SH3TC2: variants seen among roughly 807,000 people sequenced by gnomAD.
SH3TC2 encodes the protein SH3 domain and tetratricopeptide repeats 2, also known as SH3 domain and tetratricopeptide repeat-containing protein 2.
SH3TC2 carries 87 observed loss-of-function variants against 124.5 expected under a neutral mutation model. The observed-to-expected ratio is 0.70, with a 90% CI of 0.59 to 0.84. The LOEUF (loss-of-function observed/expected upper bound fraction) is 0.84, where lower values mean the gene tolerates loss of function less well. Ranked by LOEUF, SH3TC2 falls within the 40% of genes least tolerant of loss-of-function variation. SH3TC2 has a pLI of 0.00. For synonymous variants in SH3TC2, 634 were observed against 628.5 expected (o/e 1.01, Z -0.13); for missense variants, 1,536 against 1,566.4 (o/e 0.98, Z 0.33).
At position 149,001,787 on chromosome 5, in the gene SH3TC2, G is replaced by A. The variant is rs1314895145; in HGVS notation, c.*2924C>T. On this transcript the variant is annotated 3_prime_UTR_variant, in exon 17 of 17. Coordinates refer to ENST00000515425, the MANE Select transcript of SH3TC2 (RefSeq NM_024577.4). Reference sequence around the variant, plus strand: ...TCATCAGATTTATAGGTAAATCAAAGTGCACAGAATTGGGAAATTTTAGCT... The same window carrying A: ...TCATCAGATTTATAGGTAAATCAAAATGCACAGAATTGGGAAATTTTAGCT... 1.3e-5 allele frequency: 2 copies of A among 152,158 alleles called. No individual in the cohort carries two copies. The highest frequency in any genetic ancestry group is 2.9e-5 in the Non-Finnish European group (2 of 68,036). 9.4% of individuals were successfully genotyped at this position (152,158 alleles called of 1,614,324 possible). A position where few individuals can be genotyped will look rare whatever the true frequency, so the allele number is the denominator to read the frequency against.
intron 1 of SH3TC2, among the ~76,000 whole-genome samples, chr5:149,060,463 G>T (rs901933759): frequency 6.6e-6 from 1 of 152,154 alleles, no homozygotes; most frequent in Non-Finnish European, 1.5e-5. Flanking sequence ...GAATGCAGGT[G>T]CCTGGAGTAG....
At chr5:149,039,091 C>T (rs1186171105) in intron 7 of SH3TC2, among the ~76,000 whole-genome samples, 1 of 152,220 alleles carries the variant, frequency 6.6e-6, no homozygotes, top group Non-Finnish European at 1.5e-5. Flanking sequence ...AGCCTTATTA[C>T]CACTGGTGGA....
chr5:149,050,458 G>A (rs1224977162), intron 2 of SH3TC2, among the ~76,000 whole-genome samples: 2 of 152,178 alleles, frequency 1.3e-5, no homozygotes, highest in African/African-American at 4.8e-5. Flanking sequence ...CTGAAAGATG[G>A]ACAAGTTCAG....
intron 16 of SH3TC2, among the ~76,000 whole-genome samples, chr5:149,005,251 C>T (rs1252515271): frequency 6.6e-6 from 1 of 152,126 alleles, no homozygotes; most frequent in Non-Finnish European, 1.5e-5. Flanking sequence ...TCCACTGTGT[C>T]TCAATAAGGA....
chr5:149,007,762 T>G (rs1029034408), intron 15 of SH3TC2: 1 of 152,854 alleles, frequency 6.5e-6, no homozygotes, highest in African/African-American at 2.4e-5. Flanking sequence ...TACAATCATG[T>G]CTTTGGAATA....
At chr5:149,046,053 T>C (rs1754458920) in intron 3 of SH3TC2, 5 of 334,840 alleles carry the variant, frequency 1.5e-5, no homozygotes, top group South Asian at 1.1e-4. Flanking sequence ...CTGTAACAAG[T>C]GACGGTCAGA....
Position 149,028,433 on chromosome 5 carries a change from C to T in SH3TC2, c.1299G>A (p.Ser433=), listed in dbSNP as rs140904010. The part of the protein sequence containing the change: ...EDSSLEEELL[S]ATSDSYRLPE... ...GCAGGCGATAGCTGTCTGAGGTGGC[C>T]GAGAGGAGCTCCTCCTCCAGGCTGG... Residue 433 remains serine (S), a synonymous_variant, in exon 11 of 17, where the codon TCG becomes TCA. Transcript: ENST00000515425. 2.2e-4 allele frequency: 359 copies of T among 1,613,356 alleles called. No individual in the cohort carries two copies. The African/African-American group carries it at 4.0e-3, about 18-fold the overall frequency.
chr5:148,997,803 G>A lies in SH3TC2; in HGVS notation c.*6908C>T, dbSNP rs925559051. ...AGCCACATCAATTCTCTAAACCTCA[G>A]TGGAGATAAAAATAATAGTAACTAC... On this transcript the variant is annotated 3_prime_UTR_variant, in exon 17 of 17. Coordinates refer to ENST00000515425, the MANE Select transcript of SH3TC2 (RefSeq NM_024577.4). Among the ~76,000 whole-genome samples, 2 of 152,186 alleles carry A rather than the reference G, an allele frequency of 1.3e-5. No homozygotes were observed. The highest frequency in any genetic ancestry group is 2.4e-5 in the African/African-American group (1 of 41,434).
intron 8 of SH3TC2, among the ~76,000 whole-genome samples, chr5:149,033,041 T>C (rs1338046309): frequency 1.3e-5 from 2 of 152,220 alleles, no homozygotes; most frequent in African/African-American, 2.4e-5. Context: ...ATTTACTGTT[T>C]ATAACAACTT....
rs139958177 is a variant in SH3TC2, at chr5:149,027,154, G to A, written c.2578C>T (p.Leu860Phe). Residue 860 changes from leucine (L) to phenylalanine (F), a missense_variant, in exon 11 of 17, where the codon CTT becomes TTT. Physicochemically the swap from Leu to Phe is conservative, Grantham distance 22. Transcript: ENST00000515425. Reference sequence around the variant, plus strand: ...TCCTGGGCTCTGTTCAAGGCCCGAAGATAGCTCTTGGCTGCCCTGTTCACC... The same window carrying A: ...TCCTGGGCTCTGTTCAAGGCCCGAAAATAGCTCTTGGCTGCCCTGTTCACC... Reference protein sequence around the residue: ...GRVNRAAKSYLRALNRAQEVG... With the variant: ...GRVNRAAKSYFRALNRAQEVG... 4.6e-5 allele frequency: 75 copies of A among 1,614,108 alleles called. No individual in the cohort carries two copies. Among genetic ancestry groups the A allele is most frequent in the Non-Finnish European group, 5.9e-5 (70 of 1,180,046 alleles).
In SH3TC2 at chr5:148,986,587, G is replaced by T. The variant is rs1251043314; in HGVS notation, c.*18124C>A. Among the ~76,000 whole-genome samples, 2 of 152,174 alleles carry T rather than the reference G, an allele frequency of 1.3e-5. No individual in the cohort carries two copies. Among genetic ancestry groups the T allele is most frequent in the African/African-American group, 2.4e-5 (1 of 41,454 alleles). On this transcript the variant is annotated 3_prime_UTR_variant, in exon 17 of 17. Transcript: ENST00000515425. Reference sequence around the variant, plus strand: ...AGAATGCAGTAAGTTCTTAATAAATGCTTGTTGAATTATCATTTTAAAAGT... The same window carrying T: ...AGAATGCAGTAAGTTCTTAATAAATTCTTGTTGAATTATCATTTTAAAAGT...
In SH3TC2 at chr5:148,987,192, C is replaced by T. The variant is rs1753346246; in HGVS notation, c.*17519G>A. Among the ~76,000 whole-genome samples the T allele has an allele frequency of 1.3e-5, 2 of 152,190 alleles. No homozygotes were observed. Among genetic ancestry groups the T allele is most frequent in the South Asian group, 4.1e-4 (2 of 4,824 alleles). Reference sequence around the variant, plus strand: ...TAAATTATTTTAACCACTGTAACCCCTCTGTGGGGAGAGGAGAAAAAGCAC... The same window carrying T: ...TAAATTATTTTAACCACTGTAACCCTTCTGTGGGGAGAGGAGAAAAAGCAC... On this transcript the variant is annotated 3_prime_UTR_variant, in exon 17 of 17. Coordinates refer to ENST00000515425, the MANE Select transcript of SH3TC2 (RefSeq NM_024577.4).
Position 149,009,010 on chromosome 5 carries a change from A to G in SH3TC2, c.3328-9T>C, listed in dbSNP as rs1753738303. On this transcript the variant is annotated splice_polypyrimidine_tract_variant and intron_variant, in intron 14 of 16. Coordinates refer to ENST00000515425, the MANE Select transcript of SH3TC2 (RefSeq NM_024577.4). ...AAAGGAACAGCTCCAGCCTAGGAAC[A>G]GAAGCCCAAGGAACCTTAGTCTAGC... The G allele has an allele frequency of 6.2e-7, 1 of 1,614,180 alleles. No homozygotes were observed. The highest frequency in any genetic ancestry group is 8.5e-7 in the Non-Finnish European group (1 of 1,180,016).
Position 148,995,062 on chromosome 5 carries a change from G to A in SH3TC2, c.*9649C>T, listed in dbSNP as rs996269862. Among the ~76,000 whole-genome samples, 4 of 152,092 alleles carry A rather than the reference G, an allele frequency of 2.6e-5. No individual in the cohort carries two copies. Among genetic ancestry groups the A allele is most frequent in the Non-Finnish European group, 4.4e-5 (3 of 68,014 alleles). On this transcript the variant is annotated 3_prime_UTR_variant, in exon 17 of 17. Coordinates refer to ENST00000515425, the MANE Select transcript of SH3TC2 (RefSeq NM_024577.4). Reference sequence around the variant, plus strand: ...TTCATCACTGAAGGGATTTCCTGTGGTATTTGGTGCAATAAGGCTTATATA... The same window carrying A: ...TTCATCACTGAAGGGATTTCCTGTGATATTTGGTGCAATAAGGCTTATATA...
intron 4 of SH3TC2, chr5:149,043,904 A>C (rs1015280530): frequency 1.3e-5 from 2 of 152,920 alleles, no homozygotes; most frequent in African/African-American, 4.8e-5. Context: ...AACATCCATC[A>C]AATTAGGTGG....
In SH3TC2 at chr5:149,041,630, A is replaced by C. The variant is rs139501888; in HGVS notation, c.530-13T>G. ...CAGAAGAAGTGGCCTGTGGATAATG[A>C]GAAAAGCAATGGCTTTCTAAGGAGT... On this transcript the variant is annotated splice_polypyrimidine_tract_variant and intron_variant, in intron 5 of 16. Transcript: ENST00000515425. 6.2e-7 allele frequency: 1 copy of C among 1,614,044 alleles called. No individual in the cohort carries two copies. The highest frequency in any genetic ancestry group is 2.2e-5 in the East Asian group (1 of 44,880).
intron 9 of SH3TC2, among the ~76,000 whole-genome samples, chr5:149,028,998 A>G (rs1754134818): frequency 8.1e-6 from 1 of 123,550 alleles, no homozygotes; most frequent in South Asian, 2.9e-4. Flanking sequence ...CTCTATGTCA[A>G]GAGGTATGGG....
At position 148,997,168 on chromosome 5, in the gene SH3TC2, T is replaced by C. The variant is rs973983103; in HGVS notation, c.*7543A>G. Among the ~76,000 whole-genome samples the C allele has an allele frequency of 3.9e-5, 6 of 152,206 alleles. No individual in the cohort carries two copies. Among genetic ancestry groups the C allele is most frequent in the Non-Finnish European group, 8.8e-5 (6 of 68,036 alleles). ...CTCATGTTCATGATCTTCCTTCTGC[T>C]ACCACCATTGGAGCTACGGGTACTA... On this transcript the variant is annotated 3_prime_UTR_variant, in exon 17 of 17. Coordinates refer to ENST00000515425, the MANE Select transcript of SH3TC2 (RefSeq NM_024577.4).
At chr5:149,015,124 A>G (rs1753849870) in intron 12 of SH3TC2, among the ~76,000 whole-genome samples, 1 of 152,134 alleles carries the variant, frequency 6.6e-6, no homozygotes, top group Admixed American at 6.5e-5. Context: ...ATTTCTTTCC[A>G]AGAAATGCCC....
Sources: allele counts gnomAD v4.1 joint callset (sites outside exome capture counted in the v4.1 genomes callset), GRCh38; gene constraint gnomAD v4.1.1; transcripts MANE v1.5; gene names NCBI Gene and HGNC (gene_info 2026-07-23, HGNC 2026-07-21).